GATM: variants seen among roughly 807,000 people sequenced by gnomAD.
GATM encodes glycine amidinotransferase, also known as glycine amidinotransferase, mitochondrial.
In GATM, 23 loss-of-function variants were observed where a neutral mutation model predicts 54.2. The ratio of observed to expected loss-of-function variants is 0.42; its 90% CI spans 0.31 to 0.60. The LOEUF (loss-of-function observed/expected upper bound fraction) is 0.60, where lower values mean the gene tolerates loss of function less well. Ranked by LOEUF, GATM falls within the 20% of genes least tolerant of loss-of-function variation. The pLI, the probability that GATM is intolerant of heterozygous loss-of-function variation, is 0.14. For missense variants in GATM, 401 were observed against 544.9 expected (o/e 0.74, Z 2.63); for synonymous variants, 168 against 183.1 (o/e 0.92, Z 0.67).
chr15:45,365,177 TG>T (rs1177125139), intron 6 of GATM, among the ~76,000 whole-genome samples: 1 of 152,190 alleles, frequency 6.6e-6, no homozygotes, highest in Non-Finnish European at 1.5e-5. Context: ...TTTTAAAAAT[TG>T]AAAAATTTCC....
chr15:45,371,051 G>A (rs1017756268), intron 2 of GATM, among the ~76,000 whole-genome samples: 2 of 152,202 alleles, frequency 1.3e-5, no homozygotes, highest in African/African-American at 4.8e-5. Flanking sequence ...GGGATTATAG[G>A]TGTGAGCCAC....
rs188005393 is a variant in GATM at position 45,390,090 on chromosome 15, G to A, written c.-319+6832C>T. On this transcript the variant is annotated intron_variant, in intron 3 of 4. Transcript: ENST00000561148. ...TGGTCTCAAACTCCCGGGCTCAAGC[G>A]ATCCGCCTGCCACAGCCTCCCAAAG... is the stretch of plus-strand genomic sequence containing the variant. Among the ~76,000 whole-genome samples, 10 of 152,216 alleles carry A rather than the reference G, an allele frequency of 6.6e-5. No homozygotes were observed. In the East Asian group the frequency reaches 1.7e-3, roughly 26 times the overall value.
At position 45,375,301 on chromosome 15, in the gene GATM, C is replaced by G. The variant is rs190798855; in HGVS notation, c.288+1300G>C. 4.6e-3 allele frequency among the ~76,000 whole-genome samples: 697 copies of G among 152,220 alleles called. 6 individuals are homozygous for G. Among genetic ancestry groups the G allele is most frequent in the African/African-American group, 0.016 (672 of 41,520 alleles). The stretch of plus-strand genomic sequence containing the variant: ...AGCCAGGATGGTCTCGATCTCCTGA[C>G]CTCGTGATCCACCCGCCTCAGCCTC... On this transcript the variant is annotated intron_variant, in intron 2 of 8. Transcript: ENST00000396659.
At chr15:45,376,277 G>A (rs1889631639) in intron 2 of GATM, among the ~76,000 whole-genome samples, 1 of 152,164 alleles carries the variant, frequency 6.6e-6, no homozygotes, top group Non-Finnish European at 1.5e-5. Context: ...TGTGAGAATG[G>A]CTAAGAGAAG....
intron 1 of GATM, 53 bp from the exon 2 acceptor site, chr15:45,376,872 C>G (rs763375007): frequency 2.3e-4 from 349 of 1,495,198 alleles, no homozygotes; most frequent in Admixed American, 9.3e-4. Flanking sequence ...TCAGTACTTA[C>G]AGAGAGGAGG....
chr15:45,377,055 A>G (rs1595486026), intron 1 of GATM: 1 of 543,758 alleles, frequency 1.8e-6, no homozygotes, highest in East Asian at 3.6e-5. Context: ...GTAACTCTTT[A>G]AAACTCCTCA....
intron 7 of GATM, chr15:45,364,278 T>C: frequency 2.2e-6 from 1 of 451,226 alleles, no homozygotes; most frequent in Non-Finnish European, 4.0e-6. Flanking sequence ...TTTGGGAGGC[T>C]GAGGCAGGAG....
intron 3 of GATM, among the ~76,000 whole-genome samples, chr15:45,391,513 T>C (rs781743723): frequency 6.6e-6 from 1 of 152,246 alleles, no homozygotes; most frequent in South Asian, 2.1e-4. Context: ...AAGTAGTAGC[T>C]TGAATGTTAT....
At chr15:45,375,291 G>A (rs1889613295) in intron 2 of GATM, among the ~76,000 whole-genome samples, 1 of 152,084 alleles carries the variant, frequency 6.6e-6, no homozygotes, top group African/African-American at 2.4e-5. Flanking sequence ...GGATGGTCTC[G>A]ATCTCCTGAC....
chr15:45,374,906 T>A (rs1889603933), intron 2 of GATM, among the ~76,000 whole-genome samples: 1 of 152,328 alleles, frequency 6.6e-6, no homozygotes, highest in East Asian at 1.9e-4. Context: ...TTAAGGACAC[T>A]AAAGATACAT....
intron 2 of GATM, among the ~76,000 whole-genome samples, chr15:45,372,149 A>C (rs952513927): frequency 1.3e-5 from 2 of 152,222 alleles, no homozygotes; most frequent in African/African-American, 4.8e-5. Flanking sequence ...ATAAAGTTTT[A>C]CAGGAACGCA....
At chr15:45,362,243 G>T in intron 8 of GATM, 22 bp from the exon 9 acceptor site, 1 of 1,414,614 alleles carries the variant, frequency 7.1e-7, no homozygotes, top group Non-Finnish European at 1.0e-6. Flanking sequence ...GAGAGATGAG[G>T]TCAGTTAGAT....
Position 45,366,157 on chromosome 15 carries a change from G to A in GATM, c.867C>T (p.Tyr289=). The change falls in exon 6 of 9, where the codon TAC becomes TAT. Residue 289 remains tyrosine (Y), a synonymous_variant. Coordinates refer to ENST00000396659, the MANE Select transcript of GATM (RefSeq NM_001482.3). ...CTTTAAAGGAGATGATATGCACTCT[G>A]TAGTCTGGAGCAAGATGCCTACGCA... ...EWMRRHLAPD[Y]RVHIISFKDP... 1 of 1,614,036 alleles carries A rather than the reference G, an allele frequency of 6.2e-7. No homozygotes were observed. Among genetic ancestry groups the A allele is most frequent in the Non-Finnish European group, 8.5e-7 (1 of 1,179,908 alleles).
At chr15:45,395,554 C>G (rs1319984901) in intron 3 of GATM, among the ~76,000 whole-genome samples, 1 of 152,086 alleles carries the variant, frequency 6.6e-6, no homozygotes, top group Non-Finnish European at 1.5e-5. Flanking sequence ...AAAAATAATA[C>G]AAAGTCACTT....
chr15:45,393,099 G>C (rs1171517519), intron 3 of GATM, among the ~76,000 whole-genome samples: 3 of 152,212 alleles, frequency 2.0e-5, no homozygotes, highest in African/African-American at 7.2e-5. Context: ...CCAGCATATA[G>C]CAAATGGTAG....
chr15:45,366,507 T>A lies in GATM; in HGVS notation c.677A>T (p.Asp226Val). ...PTMADELYNQDYPIHSVEDRH... is the reference protein window; with the variant it reads ...PTMADELYNQVYPIHSVEDRH... ...GTCTTCTACAGAGTGGATGGGATAA[T>A]CCTAATTGGAACAAGAATGAACACA... The change falls in exon 5 of 9, where the codon GAT (aspartate) becomes GTT (valine). Residue 226 changes from aspartate (D) to valine (V), a missense_variant and splice_region_variant. Transcript: ENST00000396659. 6.2e-7 allele frequency: 1 copy of A among 1,614,020 alleles called. No individual in the cohort carries two copies. Among genetic ancestry groups the A allele is most frequent in the Non-Finnish European group, 8.5e-7 (1 of 1,180,012 alleles).
intron 3 of GATM, among the ~76,000 whole-genome samples, chr15:45,390,804 G>A (rs1345341391): frequency 1.3e-5 from 2 of 151,918 alleles, no homozygotes; most frequent in Non-Finnish European, 2.9e-5. Flanking sequence ...CTTTATTAGG[G>A]CAACTAATAA....
intron 2 of GATM, among the ~76,000 whole-genome samples, chr15:45,372,697 T>C (rs1425851487): frequency 2.6e-5 from 4 of 152,226 alleles, no homozygotes; most frequent in African/African-American, 9.6e-5. Context: ...CGTGACTATT[T>C]GTGCAGGGTG....
rs1331986925 is a variant in GATM, at chr15:45,376,785, G to T, written c.104C>A (p.Thr35Asn). 9 of 1,614,020 alleles carry T rather than the reference G, an allele frequency of 5.6e-6. No homozygotes were observed. The highest frequency in any genetic ancestry group is 6.8e-6 in the Non-Finnish European group (8 of 1,180,018). Residue 35 changes from threonine to asparagine, a missense_variant, in exon 2 of 9, where the codon ACT becomes AAT. Transcript: ENST00000396659. Reference protein sequence around the residue: ...GRTLTGWVQRTFQSTQAATAS... With the variant: ...GRTLTGWVQRNFQSTQAATAS... The stretch of plus-strand genomic sequence containing the variant: ...CGTAGCTGCCTGGGTGCTCTGGAAA[G>T]TTCGCTGCACCCATCCTGTCAAGGT...
Sources: allele counts gnomAD v4.1 joint callset (sites outside exome capture counted in the v4.1 genomes callset), GRCh38; gene constraint gnomAD v4.1.1; transcripts MANE v1.5; gene names NCBI Gene and HGNC (gene_info 2026-07-23, HGNC 2026-07-21).